SEPTIN6: variants seen among roughly 807,000 people sequenced by gnomAD.
SEPTIN6 encodes the protein septin-6.
In SEPTIN6, 8 loss-of-function variants were observed where a neutral mutation model predicts 33.6. The ratio of observed to expected loss-of-function variants is 0.24; its 90% confidence interval spans 0.14 to 0.43. The LOEUF (loss-of-function observed/expected upper bound fraction) is 0.43. Ranked by LOEUF, SEPTIN6 falls within the 20% of genes least tolerant of loss-of-function variation. SEPTIN6 has a pLI of 1.00. For missense variants in SEPTIN6, 250 were observed against 340.8 expected (o/e 0.73, Z 2.10); for synonymous variants, 131 against 140.0 (o/e 0.94, Z 0.45).
chrX:119,627,683 G>A (rs1391788920), intron 9 of SEPTIN6, among the ~76,000 whole-genome samples: 1 of 110,347 alleles, frequency 9.1e-6, no homozygotes, highest in African/African-American at 3.3e-5. Context: ...GTGGGACTAC[G>A]GCCATGGAGA....
chrX:119,640,550 ACC>A lies in SEPTIN6; in HGVS notation c.787+140_787+141del, dbSNP rs749899464. 3.1e-4 allele frequency: 142 copies of A among 453,293 alleles called. 1 individual carries two copies. The South Asian group carries it at 4.7e-3, about 15-fold the overall frequency. The allele number at this position is 453,293 out of a possible 1,213,427, so 37.4% of individuals were successfully genotyped here. A position where few individuals can be genotyped will look rare whatever the true frequency, so the allele number is the denominator to read the frequency against. ...TGGAGCCAGAGTTAGCTTGCTAGTG[ACC>A]CCTATGGCTATTTGGGACCCATGCC... On this transcript the variant is annotated intron_variant, in intron 6 of 10. Transcript: ENST00000394610.
At chrX:119,656,995 G>GCGA (rs1303448521) in intron 3 of SEPTIN6, among the ~76,000 whole-genome samples, 198 of 109,336 alleles carry the variant, frequency 1.8e-3, no homozygotes, top group African/African-American at 6.1e-3. Context: ...GAGGCAGGCG[G>GCGA]ATTACCTGAG....
chrX:119,642,665 GT>G (rs1354585422), intron 5 of SEPTIN6, among the ~76,000 whole-genome samples: 2 of 111,565 alleles, frequency 1.8e-5, no homozygotes, highest in Non-Finnish European at 3.8e-5. Context: ...TCGCTTGTTT[GT>G]TTAATCCACA....
chrX:119,681,900 G>A (rs1233268671), intron 1 of SEPTIN6, among the ~76,000 whole-genome samples: 3 of 111,374 alleles, frequency 2.7e-5, no homozygotes, highest in African/African-American at 9.8e-5. Flanking sequence ...AGCCAAGTGT[G>A]TTAGCACACA....
chrX:119,679,547 T>A (rs1336208849), intron 1 of SEPTIN6, among the ~76,000 whole-genome samples: 1 of 111,245 alleles, frequency 9.0e-6, no homozygotes, highest in African/African-American at 3.3e-5. Flanking sequence ...AGGAACAAAT[T>A]TGAGAGATGT....
chrX:119,656,688 C>T (rs1018761733), intron 3 of SEPTIN6, among the ~76,000 whole-genome samples: 1 of 111,521 alleles, frequency 9.0e-6, no homozygotes, highest in East Asian at 2.8e-4. Context: ...GAGTTCGAGA[C>T]CAGCCTGATC....
intron 3 of SEPTIN6, among the ~76,000 whole-genome samples, chrX:119,658,097 CGT>C (rs2147561428): frequency 8.9e-6 from 1 of 111,950 alleles, no homozygotes; most frequent in East Asian, 2.8e-4. Flanking sequence ...ACTGCACTCC[CGT>C]CTGGGCAACA....
Position 119,637,201 on chromosome X carries a change from T to G in SEPTIN6, c.788-6A>C, listed in dbSNP as rs766007008. 8.3e-7 allele frequency: 1 copy of G among 1,206,124 alleles called. No individual in the cohort carries two copies. Among genetic ancestry groups the G allele is most frequent in the African/African-American group, 1.8e-5 (1 of 57,084 alleles). On this transcript the variant is annotated splice_polypyrimidine_tract_variant and splice_region_variant and intron_variant, in intron 6 of 10. Coordinates refer to ENST00000394610, the MANE Select transcript of SEPTIN6 (RefSeq NM_145799.4). Reference sequence around the variant, plus strand: ...GCAGTGGGCCTCGTTTTCAACTGCATAGCAGGATTTGGGGTATTGAAAGTA... The same window carrying G: ...GCAGTGGGCCTCGTTTTCAACTGCAGAGCAGGATTTGGGGTATTGAAAGTA...
chrX:119,627,863 T>TATCTTAGC (rs1464356790), intron 9 of SEPTIN6, among the ~76,000 whole-genome samples: 1 of 97,488 alleles, frequency 1.0e-5, no homozygotes, highest in Non-Finnish European at 2.1e-5. Context: ...GCAATGGTGC[T>TATCTTAGC]ATCTTAGCTC....
chrX:119,667,829 T>C (rs911761193), intron 2 of SEPTIN6, among the ~76,000 whole-genome samples: 2 of 110,605 alleles, frequency 1.8e-5, no homozygotes, highest in African/African-American at 6.6e-5. Flanking sequence ...AATTTCTCAC[T>C]CCTCCTCCCC....
chrX:119,648,397 G>A lies in SEPTIN6; in HGVS notation c.690+1540C>T, dbSNP rs188589139. On this transcript the variant is annotated intron_variant, in intron 5 of 10. Transcript: ENST00000394610. ...TAGACGCTTCCAGACATCAGTGCCC[G>A]TGGCACCCAGATGACACTTCTCGCG... 5.4e-5 allele frequency among the ~76,000 whole-genome samples: 6 copies of A among 111,795 alleles called. No individual in the cohort carries two copies. The East Asian group carries it at 1.4e-3, about 26-fold the overall frequency.
At chrX:119,664,286 A>G (rs911639824) in intron 2 of SEPTIN6, among the ~76,000 whole-genome samples, 1 of 111,546 alleles carries the variant, frequency 9.0e-6, no homozygotes, top group Non-Finnish European at 1.9e-5. Context: ...CTGGCCAAGT[A>G]TACGTTGCTT....
At chrX:119,681,362 C>T (rs2054956094) in intron 1 of SEPTIN6, among the ~76,000 whole-genome samples, 1 of 111,636 alleles carries the variant, frequency 9.0e-6, no homozygotes, top group African/African-American at 3.3e-5. Flanking sequence ...CTTGGCCCAG[C>T]ATGTCTGACA....
intron 1 of SEPTIN6, among the ~76,000 whole-genome samples, chrX:119,677,243 G>T (rs144953669): frequency 0.025 from 2,796 of 112,054 alleles, 49 homozygotes; most frequent in South Asian, 0.15. Flanking sequence ...TGCTTCGCCT[G>T]CAAGGCCCAA....
chrX:119,687,248 C>CTTTTTTTTTTT (rs761167270), intron 1 of SEPTIN6, among the ~76,000 whole-genome samples: 1 of 97,609 alleles, frequency 1.0e-5, no homozygotes. Flanking sequence ...TTTCATCTGT[C>CTTTTTTTTTTT]TTTTTTTTTT....
At chrX:119,688,534 C>G (rs1023074363) in intron 1 of SEPTIN6, among the ~76,000 whole-genome samples, 13 of 110,186 alleles carry the variant, frequency 1.2e-4, no homozygotes, top group Non-Finnish European at 2.5e-4. Flanking sequence ...TGGTGAAACC[C>G]TGTTTCTACT....
intron 9 of SEPTIN6, 135 bp from the exon 10 acceptor site, chrX:119,625,514 A>C: frequency 1.9e-6 from 1 of 521,955 alleles, no homozygotes; most frequent in Non-Finnish European, 3.3e-6. Context: ...GGAAGGGTGG[A>C]CTGGTAGGAA....
At chrX:119,616,606 G>T, downstream of SEPTIN6, 1 of 765,700 alleles carries the variant, frequency 1.3e-6, no homozygotes, top group Non-Finnish European at 2.0e-6. Context: ...TGTGGTGTAT[G>T]TGTGTGTGCT....
intron 1 of SEPTIN6, among the ~76,000 whole-genome samples, chrX:119,683,570 A>G (rs5957212): frequency 0.064 from 7,184 of 112,684 alleles, 539 homozygotes; most frequent in African/African-American, 0.22. Context: ...GGTCATCCCA[A>G]TGATGGGGGA....
Sources: gnomAD v4.1 joint callset for allele counts (sites outside exome capture counted in the v4.1 genomes callset) on GRCh38, gnomAD v4.1.1 for gene constraint, MANE v1.5 for transcripts, NCBI Gene and HGNC (gene_info 2026-07-23, HGNC 2026-07-21) for gene names.